Variants in FLT1 observed in about 807,000 individuals in gnomAD.
FLT1 encodes vascular endothelial growth factor receptor 1.
In FLT1, 49 loss-of-function variants were observed where a neutral mutation model predicts 156.3. That is an observed-to-expected ratio of 0.31 (90% CI 0.25 to 0.40). FLT1 has a LOEUF of 0.40. FLT1 is among the 10% of genes least tolerant of loss of function. The pLI is 1.00. For missense variants in FLT1, 1,322 were observed against 1,637.2 expected (o/e 0.81, Z 3.32); for synonymous variants, 594 against 583.8 (o/e 1.02, Z -0.25).
chr13:28,339,158 A>G lies in FLT1; in HGVS notation c.2488+10T>C, dbSNP rs1364765343. 2 of 1,613,656 alleles carry G rather than the reference A, an allele frequency of 1.2e-6. No homozygotes were observed. The highest frequency in any genetic ancestry group is 3.3e-5 in the Admixed American group (2 of 60,006). On this transcript the variant is annotated intron_variant, in intron 17 of 29. Transcript: ENST00000282397. ...TATAGGTTTATGAATCTGTTGAACA[A>G]ATATCTTACCCAGTTTAAGTCTCTC...
intron 15 of FLT1, among the ~76,000 whole-genome samples, chr13:28,351,879 G>A (rs571711738): frequency 6.6e-6 from 1 of 152,140 alleles, no homozygotes; most frequent in Non-Finnish European, 1.5e-5. Context: ...ATTAACAAAC[G>A]GTAATGTTAG....
chr13:28,406,128 C>T (rs539952785), intron 10 of FLT1, among the ~76,000 whole-genome samples: 11 of 152,006 alleles, frequency 7.2e-5, no homozygotes, highest in Non-Finnish European at 1.3e-4. Flanking sequence ...ACATCCTTTT[C>T]GTTGTAAATG....
At chr13:28,455,668 G>A (rs1879220943) in intron 3 of FLT1, among the ~76,000 whole-genome samples, 1 of 152,162 alleles carries the variant, frequency 6.6e-6, no homozygotes, top group Admixed American at 6.5e-5. Flanking sequence ...CTCCTGCTCT[G>A]CAAAAGACAA....
chr13:28,410,366 A>G (rs1300472531), intron 10 of FLT1, among the ~76,000 whole-genome samples: 1 of 152,194 alleles, frequency 6.6e-6, no homozygotes, highest in Non-Finnish European at 1.5e-5. Flanking sequence ...GAAATGATCG[A>G]TTCTCTTGGA....
chr13:28,459,595 G>A (rs566193345), intron 3 of FLT1, among the ~76,000 whole-genome samples: 2 of 152,220 alleles, frequency 1.3e-5, no homozygotes, highest in East Asian at 1.9e-4. Flanking sequence ...ATTAGATAAC[G>A]TCATGGATTT....
At chr13:28,452,621 A>G (rs565986260) in intron 3 of FLT1, among the ~76,000 whole-genome samples, 21 of 152,166 alleles carry the variant, frequency 1.4e-4, no homozygotes, top group Non-Finnish European at 2.6e-4. Context: ...AGTCAAGCTG[A>G]AATTCTTAGA....
At position 28,484,333 on chromosome 13, in the gene FLT1, C is replaced by T. The variant is rs189439767; in HGVS notation, c.64+10447G>A. 4.6e-3 allele frequency among the ~76,000 whole-genome samples: 705 copies of T among 152,314 alleles called. 2 individuals carry two copies. Among genetic ancestry groups the T allele is most frequent in the Non-Finnish European group, 8.4e-3 (574 of 68,020 alleles). ...ACCATCTGTGAGAGGGCAGTCCCAGCTTTTTCCTCGGACCTGCCTGATATG... is the reference window on the plus strand; with the variant it reads ...ACCATCTGTGAGAGGGCAGTCCCAGTTTTTTCCTCGGACCTGCCTGATATG... On this transcript the variant is annotated intron_variant, in intron 1 of 29. Transcript: ENST00000282397.
At chr13:28,482,685 C>T (rs112572252) in intron 1 of FLT1, among the ~76,000 whole-genome samples, 105 of 152,194 alleles carry the variant, frequency 6.9e-4, no homozygotes, top group Non-Finnish European at 1.3e-3. Context: ...TAACAACAAC[C>T]AAGCAAACTT....
At position 28,322,361 on chromosome 13, in the gene FLT1, T is replaced by C. The variant is rs767553167; in HGVS notation, c.2954-2A>G. ...GCTCCTTGTAGAAACCGTCAGAATC[T>C]GGAAAGCATTAGAACCGTAACTGTT... On this transcript the variant is annotated splice_acceptor_variant, in intron 21 of 29. Transcript: ENST00000282397. LOFTEE classifies it high-confidence loss of function. This position sits in a 1 kb window ranked among gnomAD's most constrained non-coding sequence, Gnocchi z 4.3. 10 of 1,596,592 alleles carry C rather than the reference T, an allele frequency of 6.3e-6. No individual in the cohort carries two copies. Among genetic ancestry groups the C allele is most frequent in the Non-Finnish European group, 2.6e-6 (3 of 1,164,098 alleles).
intron 28 of FLT1, 43 bp from the exon 29 acceptor site, chr13:28,306,815 CG>C (rs1488843285): frequency 2.2e-6 from 3 of 1,358,480 alleles, no homozygotes; most frequent in Non-Finnish European, 3.2e-6. Flanking sequence ...CCTGGCCCAG[CG>C]GGGGTCCATG....
intron 3 of FLT1, among the ~76,000 whole-genome samples, chr13:28,443,738 C>G (rs1314345204): frequency 3.3e-5 from 5 of 151,914 alleles, no homozygotes; most frequent in Non-Finnish European, 5.9e-5. Context: ...TATTGTGGAC[C>G]GTAAGTAATA....
Position 28,346,455 on chromosome 13 carries a change from C to T in FLT1, c.2249-904G>A, listed in dbSNP as rs112452855. 8.7e-3 allele frequency among the ~76,000 whole-genome samples: 1,316 copies of T among 151,902 alleles called. 12 individuals carry two copies. The highest frequency in any genetic ancestry group is 0.03 in the African/African-American group (1,224 of 41,386). On this transcript the variant is annotated intron_variant, in intron 15 of 29. Transcript: ENST00000282397. ...ACAGAAGTGGCTGGGCATGGTGGCTCGCATCTGTAATCCTAGCAGTTTGGG... is the reference window on the plus strand; with the variant it reads ...ACAGAAGTGGCTGGGCATGGTGGCTTGCATCTGTAATCCTAGCAGTTTGGG...
chr13:28,346,568 A>AAAAG (rs67973168), intron 15 of FLT1, among the ~76,000 whole-genome samples: 29,137 of 150,414 alleles, frequency 0.19, 2,968 homozygotes, highest in East Asian at 0.32. Flanking sequence ...AAAAAAAAAA[A>AAAAG]ATGTGGTAGC....
intron 26 of FLT1, 71 bp from the exon 27 acceptor site, chr13:28,311,803 A>T: frequency 6.6e-7 from 1 of 1,514,568 alleles, no homozygotes; most frequent in Non-Finnish European, 9.2e-7. Flanking sequence ...CCATTATGTC[A>T]ACTTTGACTA....
At chr13:28,372,019 G>GGTGTGTGTGTGT (rs142534765) in intron 14 of FLT1, among the ~76,000 whole-genome samples, 2 of 24,748 alleles carry the variant, frequency 8.1e-5, no homozygotes, top group East Asian at 1.7e-3. Context: ...ATAAATCATT[G>GGTGTGTGTGTGT]GTGTGTGTGT....
At chr13:28,438,115 G>C in intron 4 of FLT1, 106 bp downstream of exon 4, 1 of 1,124,624 alleles carries the variant, frequency 8.9e-7, no homozygotes, top group South Asian at 1.3e-5. Flanking sequence ...CCACTGAGAA[G>C]CCCAGGTGTT....
At chr13:28,314,802 T>C (rs1871137008) in intron 25 of FLT1, among the ~76,000 whole-genome samples, 1 of 152,232 alleles carries the variant, frequency 6.6e-6, no homozygotes, top group African/African-American at 2.4e-5. Context: ...ACAGAGCTTC[T>C]TACTTTTTAA....
rs1871010056 is a variant in FLT1, at chr13:28,311,671, G to A, written c.3554C>T (p.Ser1185Leu). ...ILTGNSGFTY[S>L]TPAFSEDFFK... is the part of the protein sequence containing the mutation. The stretch of plus-strand genomic sequence containing the variant: ...GAAGTCCTCAGAGAAGGCAGGAGTT[G>A]AGTATGTAAACCCACTATTTCCTGT... The change falls in exon 27 of 30, where the codon TCA becomes TTA. Residue 1185 changes from serine (S) to leucine (L), a missense_variant. This residue lies in a region of FLT1 where 329 missense variants were observed against 366.2 expected (regional missense o/e 0.90). Coordinates refer to ENST00000282397, the MANE Select transcript of FLT1 (RefSeq NM_002019.4). 7 of 1,613,436 alleles carry A rather than the reference G, an allele frequency of 4.3e-6. No individual in the cohort carries two copies. The highest frequency in any genetic ancestry group is 5.9e-6 in the Non-Finnish European group (7 of 1,179,420).
chr13:28,368,648 G>T (rs755556693), intron 14 of FLT1: 1 of 1,080,920 alleles, frequency 9.3e-7, no homozygotes, highest in Non-Finnish European at 1.4e-6. Context: ...CGATGGTGAC[G>T]TTGATGTATA....
Sources: allele counts gnomAD v4.1 joint callset (sites outside exome capture counted in the v4.1 genomes callset), GRCh38; gene constraint gnomAD v4.1.1; regional missense constraint gnomAD v4.1.1; non-coding constraint Gnocchi (gnomAD v3.1); transcripts MANE v1.5; gene names NCBI Gene and HGNC (gene_info 2026-07-23, HGNC 2026-07-21).